Variants in MGST2 observed in about 807,000 individuals in gnomAD.
MGST2 encodes glutathione peroxidase MGST2.
In MGST2, 9 loss-of-function variants were observed where a neutral mutation model predicts 16.6. The observed-to-expected ratio is 0.54, with a 90% CI of 0.33 to 0.95. The LOEUF (loss-of-function observed/expected upper bound fraction) is 0.95. MGST2 is among the 40% of genes least tolerant of loss of function. The pLI is 0.03. For missense variants in MGST2, 159 were observed against 175.1 expected (o/e 0.91, Z 0.52); for synonymous variants, 79 against 68.0 (o/e 1.16, Z -0.79).
chr4:139,688,211 T>A (rs1042245983), intron 2 of MGST2, among the ~76,000 whole-genome samples: 1 of 152,204 alleles, frequency 6.6e-6, no homozygotes, highest in African/African-American at 2.4e-5. Context: ...GAGCACTAAT[T>A]CTTCAGCTTT....
At chr4:139,733,884 G>A (rs1175205299) in intron 5 of MGST2, among the ~76,000 whole-genome samples, 1 of 152,088 alleles carries the variant, frequency 6.6e-6, no homozygotes, top group Non-Finnish European at 1.5e-5. Flanking sequence ...ATGGGTTGTT[G>A]CCCATCTGTG....
intron 5 of MGST2, among the ~76,000 whole-genome samples, chr4:139,723,501 G>A (rs1258745630): frequency 5.9e-5 from 9 of 152,026 alleles, no homozygotes; most frequent in African/African-American, 1.7e-4. Flanking sequence ...TAGTAGAGAC[G>A]GGGTTTCTCC....
the MGST2 span, among the ~76,000 whole-genome samples, chr4:139,753,382 A>ATCTG: frequency 6.6e-6 from 1 of 151,106 alleles, no homozygotes; most frequent in Non-Finnish European, 1.5e-5. Context: ...CTATCTATCT[A>ATCTG]TCTATTTTTT....
At chr4:139,691,818 T>C (rs8192093) in intron 2 of MGST2, among the ~76,000 whole-genome samples, 3,210 of 152,030 alleles carry the variant, frequency 0.021, 85 homozygotes, top group African/African-American at 0.057. Context: ...CCTGCCTTAG[T>C]CTCCCGAGTA....
At chr4:139,668,339 G>T (rs1035042243) in intron 1 of MGST2, among the ~76,000 whole-genome samples, 2 of 152,144 alleles carry the variant, frequency 1.3e-5, no homozygotes, top group Non-Finnish European at 2.9e-5. Flanking sequence ...TTCTCTCCTG[G>T]ATCAGAGAAA....
chr4:139,667,334 C>T (rs1480512817), intron 1 of MGST2, among the ~76,000 whole-genome samples: 2 of 152,114 alleles, frequency 1.3e-5, no homozygotes, highest in Non-Finnish European at 2.9e-5. Flanking sequence ...TTGGTAGCAT[C>T]CTGACTCACA....
intron 1 of MGST2, among the ~76,000 whole-genome samples, chr4:139,670,264 GGGGGC>G (rs2110789349): frequency 1.6e-5 from 1 of 61,328 alleles, no homozygotes; most frequent in South Asian, 6.6e-4. Flanking sequence ...GGGGCGGGGG[GGGGGC>G]GGTTAACAGA....
At chr4:139,689,705 T>C (rs561188346) in intron 2 of MGST2, among the ~76,000 whole-genome samples, 1 of 152,384 alleles carries the variant, frequency 6.6e-6, no homozygotes, top group South Asian at 2.1e-4. Context: ...TTGCTTTGTC[T>C]GTTTTTATTT....
rs955029572 is a variant in MGST2, at chr4:139,665,907, T to G, written c.-113T>G. The G allele has an allele frequency of 4.7e-6, 5 of 1,063,622 alleles. No individual in the cohort carries two copies. The highest frequency in any genetic ancestry group is 2.5e-5 in the East Asian group (1 of 40,486). The allele number at this position is 1,063,622 out of a possible 1,614,324, so 65.9% of individuals were successfully genotyped here. ...GGTCATTCAGCCGCTTGAATCAGCC[T>G]TTTCCCCCCACCCGGTCCCCAACTT... is the stretch of plus-strand genomic sequence containing the variant. On this transcript the variant is annotated 5_prime_UTR_variant, in exon 1 of 5. Coordinates refer to ENST00000265498, the MANE Select transcript of MGST2 (RefSeq NM_002413.5).
At position 139,689,129 on chromosome 4, in the gene MGST2, G is replaced by A. The variant is rs79728414; in HGVS notation, c.159-6068G>A. On this transcript the variant is annotated intron_variant, in intron 2 of 4. Coordinates refer to ENST00000265498, the MANE Select transcript of MGST2 (RefSeq NM_002413.5). ...CTCAAAAAAAAAAAAAAAAAAAAAA[G>A]GGATCTCCCAAAATGACAGAGTGAC... 2.9e-3 allele frequency among the ~76,000 whole-genome samples: 359 copies of A among 125,730 alleles called. 1 individual carries two copies. Among genetic ancestry groups the A allele is most frequent in the African/African-American group, 0.01 (347 of 33,814 alleles). 82.5% of individuals were successfully genotyped at this position (125,730 alleles called of 152,430 possible). A position where few individuals can be genotyped will look rare whatever the true frequency, so the allele number is the denominator to read the frequency against.
chr4:139,669,558 G>T (rs1272800635), intron 1 of MGST2, among the ~76,000 whole-genome samples: 1 of 152,098 alleles, frequency 6.6e-6, no homozygotes, highest in Admixed American at 6.5e-5. Flanking sequence ...AGCACTGTCA[G>T]TTCCCATCCT....
downstream of MGST2, among the ~76,000 whole-genome samples, chr4:139,741,891 C>A (rs62322603): frequency 0.84 from 127,735 of 151,868 alleles, 54,372 homozygotes; most frequent in Non-Finnish European, 0.92. Context: ...ATTTTTAAAA[C>A]GCCCTATTGT....
At chr4:139,751,154 A>T in the MGST2 span, among the ~76,000 whole-genome samples, 1 of 152,322 alleles carries the variant, frequency 6.6e-6, no homozygotes, top group South Asian at 2.1e-4. Context: ...TGCCTCTGAA[A>T]AATATCTCTC....
At chr4:139,749,211 T>C in the MGST2 span, among the ~76,000 whole-genome samples, 4 of 152,242 alleles carry the variant, frequency 2.6e-5, no homozygotes, top group African/African-American at 9.6e-5. Context: ...TATAAAATTA[T>C]AGCCAAGTTC....
the MGST2 span, among the ~76,000 whole-genome samples, chr4:139,746,345 T>G: frequency 6.6e-6 from 1 of 152,378 alleles, no homozygotes; most frequent in East Asian, 1.9e-4. Context: ...TGATTGAAGT[T>G]AAGAATACCT....
At chr4:139,694,277 A>G (rs1274222963) in intron 2 of MGST2, among the ~76,000 whole-genome samples, 3 of 151,908 alleles carry the variant, frequency 2.0e-5, no homozygotes. Flanking sequence ...ATCTATTTCT[A>G]GATCAATTGC....
At chr4:139,677,563 A>G (rs1731029114) in intron 1 of MGST2, among the ~76,000 whole-genome samples, 1 of 150,848 alleles carries the variant, frequency 6.6e-6, no homozygotes, top group African/African-American at 2.4e-5. Context: ...GTGCAATGGC[A>G]TGATCTCGGC....
Position 139,691,687 on chromosome 4 carries a change from TG to T in MGST2, c.159-3509del, listed in dbSNP as rs1560747852. 2.0e-4 allele frequency among the ~76,000 whole-genome samples: 29 copies of T among 146,994 alleles called. No homozygotes were observed. The South Asian group carries it at 3.7e-3, about 19-fold the overall frequency. The stretch of plus-strand genomic sequence containing the variant: ...AGTCAGATGATGATGATGATGATGA[TG>T]ATGATGATGATTATTATTATTATTA... On this transcript the variant is annotated intron_variant, in intron 2 of 4. Transcript: ENST00000265498.
intron 1 of MGST2, among the ~76,000 whole-genome samples, chr4:139,675,702 A>C (rs1319039108): frequency 6.6e-6 from 1 of 152,250 alleles, no homozygotes; most frequent in African/African-American, 2.4e-5. Flanking sequence ...GGGCTGCCTC[A>C]GCGAGAGGAC....
Sources: allele counts gnomAD v4.1 joint callset (sites outside exome capture counted in the v4.1 genomes callset), GRCh38; gene constraint gnomAD v4.1.1; transcripts MANE v1.5; gene names NCBI Gene and HGNC (gene_info 2026-07-23, HGNC 2026-07-21).